The following CAST variants were observed in gnomAD, a reference collection of about 807,000 sequenced individuals.
CAST encodes the protein MIR583 host.
A neutral mutation model predicts 119.6 loss-of-function variants in CAST; 76 were observed. The ratio of observed to expected loss-of-function variants is 0.64; its 90% CI spans 0.53 to 0.77. The LOEUF is 0.77. Ranked by LOEUF, CAST falls within the 30% of genes least tolerant of loss-of-function variation. The pLI is 0.00. For synonymous variants in CAST, 319 were observed against 331.6 expected (o/e 0.96, Z 0.41); for missense variants, 953 against 946.5 (o/e 1.01, Z -0.09).
chr5:96,140,478 A>G, the CAST span, among the ~76,000 whole-genome samples: 1 of 152,236 alleles, frequency 6.6e-6, no homozygotes, highest in African/African-American at 2.4e-5. Context: ...TTCATTACTT[A>G]TAGGCTGAAA....
intron 1 of CAST, among the ~76,000 whole-genome samples, chr5:96,560,475 T>C (rs1580824889): frequency 6.6e-6 from 1 of 152,012 alleles, no homozygotes; most frequent in Non-Finnish European, 1.5e-5. Context: ...AGGGCTAATA[T>C]CCAGAATCTA....
the CAST span, among the ~76,000 whole-genome samples, chr5:96,013,344 A>T: frequency 9.2e-5 from 14 of 151,752 alleles, no homozygotes; most frequent in Admixed American, 2.0e-4. Flanking sequence ...CACTCCACCC[A>T]TTTATACTTT....
At chr5:96,611,159 T>G (rs1479810097) in intron 1 of CAST, among the ~76,000 whole-genome samples, 1 of 152,082 alleles carries the variant, frequency 6.6e-6, no homozygotes, top group Non-Finnish European at 1.5e-5. Flanking sequence ...ATCTTAAAAT[T>G]CATATGGAAC....
chr5:96,522,039 C>T (rs560865788), upstream of CAST, among the ~76,000 whole-genome samples: 94 of 152,176 alleles, frequency 6.2e-4, 1 homozygote, highest in East Asian at 0.017. Context: ...TGGTATGAAC[C>T]CTGGAGGTGG....
intron 1 of CAST, among the ~76,000 whole-genome samples, chr5:96,632,243 G>C (rs2150202045): frequency 6.6e-6 from 1 of 151,686 alleles, no homozygotes; most frequent in East Asian, 1.9e-4. Context: ...GGATACTATA[G>C]ATACTATACT....
the CAST span, among the ~76,000 whole-genome samples, chr5:96,227,309 G>A: frequency 2.0e-5 from 3 of 152,230 alleles, no homozygotes; most frequent in East Asian, 5.8e-4. Context: ...AATCACTTGT[G>A]CTTTTTTCAA....
chr5:96,525,268 T>C (rs1176225295), upstream of CAST: 2 of 152,218 alleles, frequency 1.3e-5, no homozygotes, highest in Non-Finnish European at 2.9e-5. Context: ...CAAAGCTCTC[T>C]CTTTGGCAAA....
intron 9 of CAST, 69 bp downstream of exon 9, chr5:96,730,929 T>C (rs1051853307): frequency 5.1e-6 from 6 of 1,186,374 alleles, no homozygotes; most frequent in South Asian, 2.4e-5. Flanking sequence ...GAGAAACGTA[T>C]GCTCAAATAA....
chr5:96,035,215 A>C, the CAST span, among the ~76,000 whole-genome samples: 2 of 74,844 alleles, frequency 2.7e-5, no homozygotes, highest in African/African-American at 5.1e-5. Context: ...AAATATATTT[A>C]AGTATATATA....
the CAST span, among the ~76,000 whole-genome samples, chr5:96,084,911 A>G: frequency 6.6e-6 from 1 of 152,228 alleles, no homozygotes; most frequent in Non-Finnish European, 1.5e-5. Context: ...GAGGACAAAA[A>G]CAACAAATGC....
At chr5:96,538,064 G>A (rs11742038) in intron 1 of CAST, among the ~76,000 whole-genome samples, 93,773 of 151,664 alleles carry the variant, frequency 0.62, 29,251 homozygotes, top group East Asian at 0.86. Flanking sequence ...GAAAACCCCA[G>A]TCAGAGCATG....
At chr5:96,196,009 T>G in the CAST span, among the ~76,000 whole-genome samples, 2 of 152,206 alleles carry the variant, frequency 1.3e-5, no homozygotes, top group Non-Finnish European at 2.9e-5. Flanking sequence ...TAGGGCAGAA[T>G]GGAAGCATAG....
chr5:96,385,686 A>G, the CAST span, among the ~76,000 whole-genome samples: 4 of 152,238 alleles, frequency 2.6e-5, no homozygotes, highest in Non-Finnish European at 5.9e-5. Flanking sequence ...GTAGATTCCT[A>G]TGGTTCAGGA....
the CAST span, among the ~76,000 whole-genome samples, chr5:96,511,192 T>C: frequency 6.6e-6 from 1 of 152,238 alleles, no homozygotes; most frequent in Non-Finnish European, 1.5e-5. Context: ...GTCACCAGGC[T>C]GGAGTGCAGT....
rs149881044 is a variant in CAST at position 96,638,597 on chromosome 5, C to G, written c.61-36942C>G. ...GCAAGGTTAGGGTTACACAAGGCAG[C>G]TGAAGTTTTCTCCTTCCCTTATCTT... On this transcript the variant is annotated intron_variant, in intron 1 of 11. Transcript: ENST00000505143. Among the ~76,000 whole-genome samples the G allele has an allele frequency of 3.2e-3, 490 of 152,260 alleles. 1 individual carries two copies. Among genetic ancestry groups the G allele is most frequent in the African/African-American group, 0.011 (467 of 41,542 alleles).
At chr5:96,609,422 A>C (rs1561429234) in intron 1 of CAST, among the ~76,000 whole-genome samples, 1 of 152,206 alleles carries the variant, frequency 6.6e-6, no homozygotes, top group African/African-American at 2.4e-5. Flanking sequence ...GTGCTTTCCA[A>C]ACCTTAACAT....
chr5:96,492,517 T>C, the CAST span, among the ~76,000 whole-genome samples: 4 of 152,350 alleles, frequency 2.6e-5, no homozygotes, highest in African/African-American at 4.8e-5. Flanking sequence ...AAGAAAACAT[T>C]GTCATCAAAG....
chr5:96,134,272 T>A, the CAST span, among the ~76,000 whole-genome samples: 2 of 152,208 alleles, frequency 1.3e-5, no homozygotes, highest in African/African-American at 4.8e-5. Flanking sequence ...CACAAGAATA[T>A]GCCTTTCACC....
At chr5:96,426,228 A>G in the CAST span, among the ~76,000 whole-genome samples, 2 of 152,192 alleles carry the variant, frequency 1.3e-5, no homozygotes, top group African/African-American at 4.8e-5. Flanking sequence ...GTCTGCTTTC[A>G]TCAGCAAATG....
Sources: gnomAD v4.1 joint callset for allele counts (sites outside exome capture counted in the v4.1 genomes callset) on GRCh38, gnomAD v4.1.1 for gene constraint, MANE v1.5 for transcripts, NCBI Gene and HGNC (gene_info 2026-07-23, HGNC 2026-07-21) for gene names.